Variants in DNAH12 observed in about 807,000 individuals in gnomAD.
DNAH12 encodes axonemal beta dynein heavy chain 12.
In DNAH12, 285 loss-of-function variants were observed where a neutral mutation model predicts 371.5. The observed-to-expected ratio is 0.77, with a 90% CI of 0.70 to 0.85. The LOEUF (loss-of-function observed/expected upper bound fraction) is 0.85. Among genes scored for constraint, DNAH12 ranks in the 40% least tolerant of loss-of-function variants. The pLI is 0.00. For missense variants in DNAH12, 3,611 were observed against 3,689.4 expected, an observed-to-expected ratio of 0.98 and a Z score of 0.55; for synonymous variants, 1,200 against 1,213.0, an observed-to-expected ratio of 0.99 and a Z score of 0.22.
At chr3:57,353,904 G>T (rs895440009) in intron 59 of DNAH12, among the ~76,000 whole-genome samples, 7 of 152,146 alleles carry the variant, frequency 4.6e-5, no homozygotes, top group Non-Finnish European at 8.8e-5. Flanking sequence ...GTGGAGCAAA[G>T]GGAACACTTA....
rs2063981977 is a variant in DNAH12 at position 57,405,023 on chromosome 3, C to T, written c.6701G>A (p.Cys2234Tyr). ...GTGTGTTTGATTATACTCATCTAAG[C>T]ACTGGTCCACAACATCACTAAAATG... The part of the protein sequence containing the change: ...IHHFSDVVDQ[C>Y]LDEYNQTHKT... The change falls in exon 42 of 74, where the codon TGC (cysteine) becomes TAC (tyrosine). Residue 2234 changes from cysteine (C) to tyrosine (Y), a missense_variant. Around this residue, in one of 3 missense-constraint regions of DNAH12, gnomAD observed 2,266 missense variants for 2,236.9 expected, o/e 1.01. Transcript: ENST00000495027. The T allele has an allele frequency of 1.3e-6, 2 of 1,543,358 alleles. No individual in the cohort carries two copies. The highest frequency in any genetic ancestry group is 1.4e-5 in the African/African-American group (1 of 72,648).
intron 11 of DNAH12, among the ~76,000 whole-genome samples, chr3:57,500,060 AGATGGAG>A (rs2067483164): frequency 7.4e-6 from 1 of 134,244 alleles, no homozygotes; most frequent in Non-Finnish European, 1.6e-5. Flanking sequence ...TTTTTTTTTG[AGATGGAG>A]CCTTACTCTG....
At chr3:57,329,231 C>G (rs2153302694) in intron 62 of DNAH12, among the ~76,000 whole-genome samples, 1 of 140,864 alleles carries the variant, frequency 7.1e-6, no homozygotes, top group East Asian at 2.0e-4. Flanking sequence ...CATATGGAAC[C>G]AAAAAAGAGC....
chr3:57,473,519 A>G (rs1036920489), intron 13 of DNAH12, among the ~76,000 whole-genome samples: 29 of 151,776 alleles, frequency 1.9e-4, no homozygotes, highest in African/African-American at 6.5e-4. Context: ...AGTTGCAAAG[A>G]AAAAAAACTC....
intron 43 of DNAH12, among the ~76,000 whole-genome samples, 158 bp downstream of exon 43, chr3:57,403,151 G>C (rs1553679586): frequency 6.6e-6 from 1 of 152,072 alleles, no homozygotes; most frequent in Non-Finnish European, 1.5e-5. Context: ...AAAGCACTCA[G>C]GACAGAACTC....
intron 60 of DNAH12, among the ~76,000 whole-genome samples, chr3:57,336,894 G>T (rs1385409316): frequency 6.6e-6 from 1 of 152,122 alleles, no homozygotes; most frequent in African/African-American, 2.4e-5. Flanking sequence ...TTGAGCAGAA[G>T]CTCAGGTTAT....
chr3:57,295,538 T>A lies in DNAH12; in HGVS notation c.11679A>T (p.Ile3893=). ...GAGAATATTTACTTGGTTTTATCCA[T>A]ATGATGGGCATCAGGTCAAACAGAA... The part of the protein sequence containing the change: ...PKLLFDLMPI[I]WIKPTQKSRI... Residue 3893 remains isoleucine (I), a synonymous_variant, in exon 73 of 74, where the codon ATA becomes ATT. Coordinates refer to ENST00000495027, the MANE Select transcript of DNAH12 (RefSeq NM_001366028.2). The A allele has an allele frequency of 6.5e-7, 1 of 1,547,304 alleles. No homozygotes were observed. The highest frequency in any genetic ancestry group is 8.7e-7 in the Non-Finnish European group (1 of 1,145,026).
chr3:57,455,043 C>G (rs935398020), intron 22 of DNAH12, 149 bp from the exon 23 acceptor site: 1 of 682,114 alleles, frequency 1.5e-6, no homozygotes, highest in Non-Finnish European at 2.1e-6. Flanking sequence ...AAAAGACTCC[C>G]TCCAAATTTT....
intron 66 of DNAH12, 137 bp from the exon 67 acceptor site, chr3:57,311,087 G>GTT: frequency 4.4e-6 from 3 of 683,146 alleles, no homozygotes; most frequent in African/African-American, 3.6e-5. Context: ...GAGATTGTTA[G>GTT]TTTTTTTTTG....
intron 5 of DNAH12, among the ~76,000 whole-genome samples, chr3:57,509,641 C>A (rs1289918761): frequency 6.6e-6 from 1 of 151,872 alleles, no homozygotes; most frequent in African/African-American, 2.4e-5. Context: ...GAGGGCAGAT[C>A]ACCTGAGGTC....
At chr3:57,411,937 A>G (rs1018964672) in intron 39 of DNAH12, among the ~76,000 whole-genome samples, 1 of 152,218 alleles carries the variant, frequency 6.6e-6, no homozygotes, top group Non-Finnish European at 1.5e-5. Context: ...TTACTATAAA[A>G]CTACAGTAGT....
chr3:57,427,390 G>C (rs931090305), intron 34 of DNAH12, among the ~76,000 whole-genome samples: 2 of 152,130 alleles, frequency 1.3e-5, no homozygotes, highest in East Asian at 3.9e-4. Context: ...TGGAGTAGAA[G>C]GCCATGTGAA....
chr3:57,387,967 C>T (rs1251246016), intron 45 of DNAH12, among the ~76,000 whole-genome samples: 2 of 151,948 alleles, frequency 1.3e-5, no homozygotes, highest in Non-Finnish European at 2.9e-5. Flanking sequence ...GTTAAAAAAC[C>T]CAATGTGTTT....
At chr3:57,413,445 G>A (rs74534920) in intron 39 of DNAH12, among the ~76,000 whole-genome samples, 1,687 of 152,144 alleles carry the variant, frequency 0.011, 30 homozygotes, top group African/African-American at 0.038. Flanking sequence ...TGGACTTTGG[G>A]TGATTGTGAT....
intron 11 of DNAH12, among the ~76,000 whole-genome samples, chr3:57,496,425 G>A (rs1460069923): frequency 6.6e-6 from 1 of 152,020 alleles, no homozygotes; most frequent in African/African-American, 2.4e-5. Flanking sequence ...AAATCCATAT[G>A]ATCAATTAAA....
rs554296189 is a variant in DNAH12 at position 57,312,332 on chromosome 3, G to A, written c.10663-1382C>T. Among the ~76,000 whole-genome samples the A allele has an allele frequency of 1.6e-4, 24 of 152,216 alleles. No individual in the cohort carries two copies. The South Asian group carries it at 5.0e-3, about 32-fold the overall frequency. ...TGTCTCTTCTTTGGGGGAGGGGAAG[G>A]GTGTGTTCAACTGGGTTCCTTCCCC... On this transcript the variant is annotated intron_variant, in intron 66 of 73. Coordinates refer to ENST00000495027, the MANE Select transcript of DNAH12 (RefSeq NM_001366028.2).
chr3:57,378,588 T>C (rs1575522016), intron 52 of DNAH12, among the ~76,000 whole-genome samples: 1 of 152,224 alleles, frequency 6.6e-6, no homozygotes. Flanking sequence ...TTAGGTAGAA[T>C]TCTGCAAGCT....
chr3:57,531,370 G>T (rs2068840652), intron 2 of DNAH12, among the ~76,000 whole-genome samples: 1 of 152,096 alleles, frequency 6.6e-6, no homozygotes, highest in African/African-American at 2.4e-5. Context: ...ACTGAAGTCT[G>T]CTGCCAGACA....
intron 62 of DNAH12, among the ~76,000 whole-genome samples, chr3:57,327,803 A>G (rs1361922010): frequency 6.6e-6 from 1 of 152,256 alleles, no homozygotes; most frequent in Admixed American, 6.5e-5. Flanking sequence ...CAAAATTGAT[A>G]GACCGCTAGC....
Sources: allele counts gnomAD v4.1 joint callset (sites outside exome capture counted in the v4.1 genomes callset), GRCh38; gene constraint gnomAD v4.1.1; regional missense constraint gnomAD v4.1.1; transcripts MANE v1.5; gene names NCBI Gene and HGNC (gene_info 2026-07-23, HGNC 2026-07-21).